ARRB1: variants seen among roughly 807,000 people sequenced by gnomAD.
ARRB1 encodes arrestin beta 1.
A neutral mutation model predicts 56.8 loss-of-function variants in ARRB1; 21 were observed. The ratio of observed to expected loss-of-function variants is 0.37; its 90% CI spans 0.26 to 0.53. The LOEUF (loss-of-function observed/expected upper bound fraction) is 0.53, where lower values mean the gene tolerates loss of function less well. Ranked by LOEUF, ARRB1 falls within the 20% of genes least tolerant of loss-of-function variation. ARRB1 has a pLI of 0.88. For missense variants in ARRB1, 424 were observed against 553.7 expected (o/e 0.77, Z 2.35); for synonymous variants, 210 against 218.6 (o/e 0.96, Z 0.35).
intron 1 of ARRB1, among the ~76,000 whole-genome samples, chr11:75,334,319 A>C (rs1947568635): frequency 1.3e-5 from 2 of 150,426 alleles, no homozygotes; most frequent in Admixed American, 6.6e-5. Context: ...AAAAAAAAAA[A>C]AAAAAAAGGC....
intron 6 of ARRB1, among the ~76,000 whole-genome samples, chr11:75,281,452 C>T (rs1161124085): frequency 6.6e-6 from 1 of 152,174 alleles, no homozygotes; most frequent in African/African-American, 2.4e-5. Context: ...GGCACCTGAG[C>T]AGACTGGGGG....
At chr11:75,284,331 C>A in intron 3 of ARRB1, 52 bp from the exon 4 acceptor site, 3 of 1,533,140 alleles carry the variant, frequency 2.0e-6, no homozygotes, top group Non-Finnish European at 2.7e-6. Flanking sequence ...TCTCCCAAAC[C>A]TCTGTGCCCC....
intron 1 of ARRB1, among the ~76,000 whole-genome samples, chr11:75,301,443 C>T (rs962435245): frequency 6.6e-6 from 1 of 152,166 alleles, no homozygotes; most frequent in African/African-American, 2.4e-5. Flanking sequence ...CCTTGAGTGC[C>T]GGGCTAAGGA....
At chr11:75,298,534 A>G (rs1946817154) in intron 1 of ARRB1, among the ~76,000 whole-genome samples, 1 of 152,246 alleles carries the variant, frequency 6.6e-6, no homozygotes, top group South Asian at 2.1e-4. Flanking sequence ...AGGAAGGATA[A>G]TAAGTGTGGA....
chr11:75,324,201 C>G (rs966257892), intron 1 of ARRB1, among the ~76,000 whole-genome samples: 3 of 152,210 alleles, frequency 2.0e-5, no homozygotes, highest in Non-Finnish European at 4.4e-5. Flanking sequence ...CTTTCAAGCC[C>G]TCAGAACTCA....
intron 1 of ARRB1, among the ~76,000 whole-genome samples, chr11:75,341,022 G>A (rs1002579181): frequency 3.3e-5 from 5 of 150,804 alleles, no homozygotes; most frequent in Non-Finnish European, 7.4e-5. Context: ...CCCCACCCCC[G>A]CGCACTCAGC....
At chr11:75,327,505 C>T (rs1026971776) in intron 1 of ARRB1, among the ~76,000 whole-genome samples, 24 of 151,684 alleles carry the variant, frequency 1.6e-4, no homozygotes, top group African/African-American at 5.3e-4. Context: ...GTGGTTCATG[C>T]CTGTAATCCC....
chr11:75,305,018 C>CTTTTTTTTTTTTTTTTTTTTT (rs35323331), intron 1 of ARRB1, among the ~76,000 whole-genome samples: 4 of 86,734 alleles, frequency 4.6e-5, no homozygotes, highest in Non-Finnish European at 6.7e-5. Flanking sequence ...TTCTTTCTTT[C>CTTTTTTTTTTTTTTTTTTTTT]TTTTTTTTTT....
intron 1 of ARRB1, among the ~76,000 whole-genome samples, chr11:75,318,793 A>G: frequency 6.6e-6 from 1 of 151,992 alleles, no homozygotes. Flanking sequence ...TTGCATTTCT[A>G]AAGGGGATGC....
chr11:75,302,877 C>T (rs775677294), intron 1 of ARRB1, among the ~76,000 whole-genome samples: 1 of 152,016 alleles, frequency 6.6e-6, no homozygotes, highest in African/African-American at 2.4e-5. Context: ...GAAAGCCTTG[C>T]GGGTGGGAGG....
At chr11:75,334,011 C>T (rs1009886507) in intron 1 of ARRB1, among the ~76,000 whole-genome samples, 1 of 152,164 alleles carries the variant, frequency 6.6e-6, no homozygotes, top group Non-Finnish European at 1.5e-5. Context: ...CCTGTCCAGA[C>T]TTCTACTCTG....
At chr11:75,309,307 C>T (rs529718102) in intron 1 of ARRB1, among the ~76,000 whole-genome samples, 35 of 152,378 alleles carry the variant, frequency 2.3e-4, no homozygotes, top group African/African-American at 8.2e-4. Flanking sequence ...ACCTATTTCA[C>T]ACCCCTGCCT....
intron 1 of ARRB1, among the ~76,000 whole-genome samples, chr11:75,344,127 G>A (rs1262558014): frequency 6.6e-6 from 1 of 152,128 alleles, no homozygotes; most frequent in Non-Finnish European, 1.5e-5. Context: ...TGCTACAGAT[G>A]CTTTATGTCC....
At chr11:75,338,086 T>TG (rs1947636619) in intron 1 of ARRB1, among the ~76,000 whole-genome samples, 2 of 151,752 alleles carry the variant, frequency 1.3e-5, no homozygotes, top group South Asian at 2.1e-4. Flanking sequence ...TGCAGCCAGG[T>TG]TGTTAGCAGT....
intron 2 of ARRB1, 121 bp downstream of exon 2, chr11:75,289,888 C>G (rs11236382): frequency 7.1e-7 from 1 of 1,415,582 alleles, no homozygotes; most frequent in East Asian, 2.3e-5. Context: ...CGGGGAGCAG[C>G]ACCTGCCCCC....
chr11:75,269,037 C>T, intron 13 of ARRB1, 78 bp from the exon 14 acceptor site: 2 of 1,487,050 alleles, frequency 1.3e-6, no homozygotes, highest in Non-Finnish European at 1.9e-6. Flanking sequence ...CCCTGTCAGT[C>T]CGAGGACTGC....
chr11:75,296,829 C>T (rs1946761141), intron 1 of ARRB1, among the ~76,000 whole-genome samples: 1 of 152,124 alleles, frequency 6.6e-6, no homozygotes, highest in East Asian at 1.9e-4. Context: ...TGGTGCATGC[C>T]ACCATGCCCA....
chr11:75,269,996 A>T (rs894256762), intron 13 of ARRB1, among the ~76,000 whole-genome samples: 4 of 152,226 alleles, frequency 2.6e-5, no homozygotes, highest in Admixed American at 1.3e-4. Context: ...GTTGGGAAAG[A>T]GGAAGGGACA....
At chr11:75,278,856 C>T (rs779586823) in intron 7 of ARRB1, 112 bp from the exon 8 acceptor site, 39 of 1,426,422 alleles carry the variant, frequency 2.7e-5, no homozygotes, top group Non-Finnish European at 3.3e-5. Flanking sequence ...CTCTCCATCA[C>T]CTTAGAATCC....
Sources: allele counts gnomAD v4.1 joint callset (sites outside exome capture counted in the v4.1 genomes callset), GRCh38; gene constraint gnomAD v4.1.1; transcripts MANE v1.5; gene names NCBI Gene and HGNC (gene_info 2026-07-23, HGNC 2026-07-21).